Variants in FGF14 observed in about 807,000 individuals in gnomAD.
The protein encoded by FGF14 is fibroblast growth factor homologous factor 4.
Under a neutral mutation model 25.5 loss-of-function variants are expected in FGF14, and 5 were observed. The observed-to-expected ratio is 0.20, with a 90% CI of 0.10 to 0.41. The LOEUF (loss-of-function observed/expected upper bound fraction) is 0.41, where lower values mean the gene tolerates loss of function less well. Among genes scored for constraint, FGF14 ranks in the 10% least tolerant of loss-of-function variants. The pLI is 1.00. For missense variants in FGF14, 222 were observed against 320.1 expected, an observed-to-expected ratio of 0.69 and a Z score of 2.34; for synonymous variants, 138 against 118.3, an observed-to-expected ratio of 1.17 and a Z score of -1.08.
intron 1 of FGF14, among the ~76,000 whole-genome samples, chr13:102,093,709 G>A (rs1012335934): frequency 6.6e-6 from 1 of 151,874 alleles, no homozygotes; most frequent in African/African-American, 2.4e-5. Flanking sequence ...GAAAAGTCAT[G>A]ACATTACAAG....
At chr13:101,999,532 T>C (rs1318759538) in intron 1 of FGF14, among the ~76,000 whole-genome samples, 4 of 152,168 alleles carry the variant, frequency 2.6e-5, no homozygotes, top group Non-Finnish European at 5.9e-5. Context: ...GAAGAATCCA[T>C]GAGTGGGTGG....
intron 3 of FGF14, among the ~76,000 whole-genome samples, chr13:101,864,564 T>G (rs746300382): frequency 6.6e-6 from 1 of 152,122 alleles, no homozygotes; most frequent in Non-Finnish European, 1.5e-5. Context: ...GTACTTTTCT[T>G]GGCTTTCCAG....
chr13:102,273,013 C>A (rs1229639657), intron 1 of FGF14, among the ~76,000 whole-genome samples: 2 of 152,162 alleles, frequency 1.3e-5, no homozygotes, highest in African/African-American at 2.4e-5. Flanking sequence ...TTGTTGATAT[C>A]ATATCCTATG....
intron 1 of FGF14, among the ~76,000 whole-genome samples, chr13:102,079,511 C>A (rs910903019): frequency 8.5e-5 from 13 of 152,096 alleles, no homozygotes; most frequent in African/African-American, 2.9e-4. Context: ...GAACTCTGAA[C>A]TTCAAGTGAT....
At chr13:102,284,119 T>C (rs2053977284) in intron 1 of FGF14, among the ~76,000 whole-genome samples, 1 of 152,182 alleles carries the variant, frequency 6.6e-6, no homozygotes, top group Admixed American at 6.5e-5. Context: ...AGTAAATTGG[T>C]GCTTTTTCCC....
chr13:101,992,302 T>C (rs747185917), intron 1 of FGF14, among the ~76,000 whole-genome samples: 4 of 152,060 alleles, frequency 2.6e-5, no homozygotes, highest in Non-Finnish European at 5.9e-5. Flanking sequence ...ACACCATAGC[T>C]AGAGGAAACA....
chr13:102,380,261 C>T (rs984227343), intron 1 of FGF14, among the ~76,000 whole-genome samples: 2 of 151,370 alleles, frequency 1.3e-5, no homozygotes, highest in Non-Finnish European at 2.9e-5. Flanking sequence ...TCCAAGTAAA[C>T]AGAATGTCAT....
At chr13:101,805,832 A>G (rs1391143988) in intron 3 of FGF14, among the ~76,000 whole-genome samples, 2 of 152,130 alleles carry the variant, frequency 1.3e-5, no homozygotes, top group African/African-American at 2.4e-5. Context: ...AAACACTTCA[A>G]TAAAAATATA....
At chr13:102,279,349 AT>A (rs2053712027) in intron 1 of FGF14, among the ~76,000 whole-genome samples, 7 of 152,150 alleles carry the variant, frequency 4.6e-5, no homozygotes, top group Admixed American at 4.6e-4. Context: ...ACTATTTCTT[AT>A]TGTTGAAGGT....
At chr13:102,004,148 G>A (rs2039657501) in intron 1 of FGF14, among the ~76,000 whole-genome samples, 2 of 145,478 alleles carry the variant, frequency 1.4e-5, no homozygotes, top group Admixed American at 6.7e-5. Flanking sequence ...AAATAAAATA[G>A]CATTTACTCC....
intron 3 of FGF14, among the ~76,000 whole-genome samples, chr13:101,760,889 A>C (rs2037982871): frequency 6.6e-6 from 1 of 152,212 alleles, no homozygotes; most frequent in African/African-American, 2.4e-5. Flanking sequence ...TTGTCTAATA[A>C]ATCTAAAGCA....
At chr13:101,773,232 T>C (rs1771419974) in intron 3 of FGF14, among the ~76,000 whole-genome samples, 1 of 152,162 alleles carries the variant, frequency 6.6e-6, no homozygotes, top group African/African-American at 2.4e-5. Context: ...ATTATAAAAC[T>C]TTTAATGCAG....
intron 1 of FGF14, among the ~76,000 whole-genome samples, chr13:101,900,483 G>A (rs1220754947): frequency 6.6e-6 from 1 of 152,102 alleles, no homozygotes; most frequent in Admixed American, 6.6e-5. Context: ...CTCAAAAAAA[G>A]GGGGACTTCA....
chr13:101,969,182 G>A (rs1432520345), intron 1 of FGF14, among the ~76,000 whole-genome samples: 1 of 152,182 alleles, frequency 6.6e-6, no homozygotes, highest in African/African-American at 2.4e-5. Flanking sequence ...CCAGCACTTA[G>A]CTCATAGTTG....
At chr13:102,120,466 C>G (rs181680511) in intron 1 of FGF14, among the ~76,000 whole-genome samples, 17 of 152,250 alleles carry the variant, frequency 1.1e-4, no homozygotes, top group African/African-American at 3.9e-4. Context: ...GACCCAGGGA[C>G]ACAGGACATA....
intron 1 of FGF14, among the ~76,000 whole-genome samples, chr13:101,979,079 G>GT (rs2038100027): frequency 6.6e-6 from 1 of 152,190 alleles, no homozygotes; most frequent in African/African-American, 2.4e-5. Flanking sequence ...GCAAGGAGGG[G>GT]TTGTGGTATG....
intron 3 of FGF14, among the ~76,000 whole-genome samples, chr13:101,804,883 C>T (rs1251994478): frequency 6.6e-6 from 1 of 152,100 alleles, no homozygotes; most frequent in Non-Finnish European, 1.5e-5. Context: ...CAATGCAACA[C>T]ACCTACATCA....
chr13:101,838,720 C>A (rs777280130), intron 3 of FGF14, among the ~76,000 whole-genome samples: 1 of 152,050 alleles, frequency 6.6e-6, no homozygotes, highest in Non-Finnish European at 1.5e-5. Flanking sequence ...TTGAACTAGG[C>A]AGCTAACTCA....
intron 1 of FGF14, among the ~76,000 whole-genome samples, chr13:102,327,378 T>TA (rs2056488358): frequency 1.3e-5 from 2 of 152,352 alleles, no homozygotes; most frequent in Admixed American, 6.5e-5. Context: ...TTATCTCGCA[T>TA]AAGCTTACAC....
Sources: gnomAD v4.1 joint callset for allele counts (sites outside exome capture counted in the v4.1 genomes callset) on GRCh38, gnomAD v4.1.1 for gene constraint, MANE v1.5 for transcripts, NCBI Gene and HGNC (gene_info 2026-07-23, HGNC 2026-07-21) for gene names.